Variants in GRM8 observed in about 807,000 individuals in gnomAD.
The protein encoded by GRM8 is metabotropic glutamate receptor 8.
GRM8 carries 47 observed loss-of-function variants against 87.2 expected under a neutral mutation model. That is an observed-to-expected ratio of 0.54 (90% CI 0.43 to 0.69). GRM8 has a LOEUF of 0.69. GRM8 is among the 30% of genes least tolerant of loss of function. The pLI, the probability that GRM8 is intolerant of heterozygous loss-of-function variation, is 0.00. For missense variants in GRM8, 1,019 were observed against 1,139.2 expected (o/e 0.89, Z 1.52); for synonymous variants, 396 against 404.5 (o/e 0.98, Z 0.25).
chr7:126,980,177 A>G (rs996911045), intron 3 of GRM8, among the ~76,000 whole-genome samples: 3 of 152,220 alleles, frequency 2.0e-5, no homozygotes, highest in Admixed American at 6.5e-5. Context: ...TTATTCATTT[A>G]TTCATTCAAC....
intron 9 of GRM8, among the ~76,000 whole-genome samples, chr7:126,514,569 C>T (rs908149688): frequency 6.6e-6 from 1 of 151,954 alleles, no homozygotes; most frequent in Non-Finnish European, 1.5e-5. Context: ...ACCTTGAGGA[C>T]AGAGAATGCA....
chr7:127,044,055 G>C (rs774382322), intron 3 of GRM8, among the ~76,000 whole-genome samples: 1 of 152,208 alleles, frequency 6.6e-6, no homozygotes, highest in Non-Finnish European at 1.5e-5. Context: ...AGAAGGGAGA[G>C]GTGAACAGAG....
intron 6 of GRM8, among the ~76,000 whole-genome samples, chr7:126,846,762 A>T (rs1279652827): frequency 6.6e-6 from 1 of 152,194 alleles, no homozygotes; most frequent in Non-Finnish European, 1.5e-5. Context: ...GTTAAAATAA[A>T]AGAGAGTAGA....
At chr7:127,095,536 T>C (rs1824565506) in intron 3 of GRM8, 1 of 152,238 alleles carries the variant, frequency 6.6e-6, no homozygotes, top group Admixed American at 6.5e-5. Context: ...TAAACATTTC[T>C]CATATATTAC....
At chr7:127,195,071 T>G (rs1215029863) in intron 2 of GRM8, among the ~76,000 whole-genome samples, 1 of 152,216 alleles carries the variant, frequency 6.6e-6, no homozygotes, top group Admixed American at 6.5e-5. Context: ...CCTTGCCCAT[T>G]TCTCTTTGCC....
intron 3 of GRM8, among the ~76,000 whole-genome samples, chr7:127,051,503 T>C (rs1819470807): frequency 6.6e-6 from 1 of 152,026 alleles, no homozygotes. Context: ...ACCGTAACCT[T>C]TTCATGATCC....
intron 6 of GRM8, among the ~76,000 whole-genome samples, chr7:126,839,218 G>C (rs1796056896): frequency 6.6e-6 from 1 of 152,148 alleles, no homozygotes; most frequent in African/African-American, 2.4e-5. Context: ...GAAAACAGAG[G>C]CAGGTAAGAT....
In GRM8 at chr7:127,018,345, C is replaced by A. The variant is rs545193732; in HGVS notation, c.727+88151G>T. On this transcript the variant is annotated intron_variant, in intron 3 of 10. Transcript: ENST00000339582. ...GTCAGAGGGAGCAGAGTCAGCAAAA[C>A]ACCAAGGAAGAGAAGAGGAAAACAC... is the stretch of plus-strand genomic sequence containing the variant. Among the ~76,000 whole-genome samples, 13 of 150,284 alleles carry A rather than the reference C, an allele frequency of 8.7e-5. No individual in the cohort carries two copies. In the South Asian group the frequency reaches 2.7e-3, roughly 31 times the overall value.
At chr7:126,641,455 GA>G (rs544137849) in intron 7 of GRM8, among the ~76,000 whole-genome samples, 1 of 152,178 alleles carries the variant, frequency 6.6e-6, no homozygotes, top group South Asian at 2.1e-4. Context: ...TCAAAATAAA[GA>G]AAAAAATAGT....
intron 6 of GRM8, among the ~76,000 whole-genome samples, chr7:126,797,014 T>G (rs920539870): frequency 6.6e-6 from 1 of 152,108 alleles, no homozygotes; most frequent in African/African-American, 2.4e-5. Flanking sequence ...TCTCTCCTTT[T>G]GAATGGGAGA....
intron 6 of GRM8, among the ~76,000 whole-genome samples, chr7:126,801,535 CAAAAT>C (rs138073651): frequency 0.034 from 2,225 of 65,142 alleles, 16 homozygotes; most frequent in South Asian, 0.053. Flanking sequence ...CAGAGGGCAC[CAAAAT>C]AGTATTACTA....
chr7:127,205,329 G>A (rs931750266), intron 2 of GRM8, among the ~76,000 whole-genome samples: 2 of 152,132 alleles, frequency 1.3e-5, no homozygotes, highest in Admixed American at 6.5e-5. Flanking sequence ...GAGATGGGAG[G>A]AGCCACCAAC....
intron 3 of GRM8, among the ~76,000 whole-genome samples, chr7:127,050,568 G>T (rs1442889630): frequency 2.0e-5 from 3 of 152,144 alleles, no homozygotes. Flanking sequence ...TTGAGAAGGG[G>T]AGACGGAAGG....
intron 8 of GRM8, among the ~76,000 whole-genome samples, chr7:126,587,983 TATGACAACTGCGGTCTCC>T (rs1245120513): frequency 6.6e-6 from 1 of 151,792 alleles, no homozygotes; most frequent in Non-Finnish European, 1.5e-5. Flanking sequence ...TTATATAGCA[TATGACAACTGCGGTCTCC>T]TCTGATTCCC....
At chr7:127,040,070 GAT>G (rs1352285648) in intron 3 of GRM8, among the ~76,000 whole-genome samples, 5 of 1,942 alleles carry the variant, frequency 2.6e-3, no homozygotes, top group Non-Finnish European at 2.7e-3. Context: ...AAGAAGGGGA[GAT>G]GGGTGGGGGA....
chr7:126,925,749 A>G (rs1021124972), intron 3 of GRM8, among the ~76,000 whole-genome samples: 6 of 152,212 alleles, frequency 3.9e-5, no homozygotes, highest in Non-Finnish European at 8.8e-5. Flanking sequence ...CTTGGCACAC[A>G]GTCATTCCTT....
chr7:126,473,370 G>A (rs1011743436), intron 9 of GRM8, among the ~76,000 whole-genome samples: 7 of 152,198 alleles, frequency 4.6e-5, no homozygotes, highest in Non-Finnish European at 8.8e-5. Context: ...GGAGCTTTAA[G>A]ATTTGACAGT....
intron 8 of GRM8, among the ~76,000 whole-genome samples, chr7:126,596,745 C>T (rs1562992208): frequency 1.3e-5 from 2 of 152,128 alleles, no homozygotes; most frequent in South Asian, 2.1e-4. Flanking sequence ...CTCACACACA[C>T]AGAGGAATAC....
intron 6 of GRM8, among the ~76,000 whole-genome samples, chr7:126,829,248 G>T (rs1795116459): frequency 6.9e-6 from 1 of 145,504 alleles, no homozygotes; most frequent in African/African-American, 2.6e-5. Flanking sequence ...TTCAATTCCT[G>T]GGTATCCTTG....
Sources: allele counts gnomAD v4.1 joint callset (sites outside exome capture counted in the v4.1 genomes callset), GRCh38; gene constraint gnomAD v4.1.1; transcripts MANE v1.5; gene names NCBI Gene and HGNC (gene_info 2026-07-23, HGNC 2026-07-21).